Variants in DHX36 observed in about 807,000 individuals in gnomAD.
DHX36 encodes the protein DEAH-box helicase 36, also known as ATP-dependent DNA/RNA helicase DHX36.
Under a neutral mutation model 139.0 loss-of-function variants are expected in DHX36, and 50 were observed. That is an observed-to-expected ratio of 0.36 (90% CI 0.29 to 0.46). The LOEUF is 0.46. DHX36 is among the 20% of genes least tolerant of loss of function. The pLI, the probability that DHX36 is intolerant of heterozygous loss-of-function variation, is 1.00. For synonymous variants in DHX36, 425 were observed against 401.9 expected (o/e 1.06, Z -0.69); for missense variants, 1,024 against 1,211.3 (o/e 0.85, Z 2.29).
chr3:154,279,093 T>A (rs1406845738), intron 22 of DHX36: 4 of 152,404 alleles, frequency 2.6e-5, no homozygotes, highest in Non-Finnish European at 4.4e-5. Context: ...TCTAACAGCC[T>A]CAGCCAACCA....
chr3:154,290,403 A>G (rs2108342116), intron 15 of DHX36, among the ~76,000 whole-genome samples: 1 of 152,098 alleles, frequency 6.6e-6, no homozygotes, highest in South Asian at 2.1e-4. Context: ...TGGGACGCCG[A>G]GGTGGGTGTA....
intron 12 of DHX36, among the ~76,000 whole-genome samples, chr3:154,299,551 C>T (rs1712184493): frequency 6.6e-6 from 1 of 152,062 alleles, no homozygotes; most frequent in African/African-American, 2.4e-5. Context: ...CCATGGGTGA[C>T]TCTGTTGTAT....
At chr3:154,309,345 A>C (rs1712644198) in intron 5 of DHX36, among the ~76,000 whole-genome samples, 1 of 152,198 alleles carries the variant, frequency 6.6e-6, no homozygotes, top group Admixed American at 6.5e-5. Flanking sequence ...TTAAAGAATC[A>C]AATGATGGAG....
intron 4 of DHX36, among the ~76,000 whole-genome samples, chr3:154,310,825 A>ATATATATATG (rs1712727290): frequency 3.5e-5 from 1 of 28,636 alleles, no homozygotes; most frequent in African/African-American, 1.8e-4. Flanking sequence ...ATATATATAT[A>ATATATATATG]TATATATATA....
At chr3:154,312,879 ATATATATATATATATATATAT>A (rs1559958743) in intron 3 of DHX36, among the ~76,000 whole-genome samples, 12 of 115,014 alleles carry the variant, frequency 1.0e-4, no homozygotes, top group East Asian at 6.3e-4. Flanking sequence ...ATATATATAT[ATATATATATATATATATATAT>A]AAAATAAATA....
intron 1 of DHX36, among the ~76,000 whole-genome samples, chr3:154,323,401 T>C (rs1190546319): frequency 6.6e-6 from 1 of 152,130 alleles, no homozygotes; most frequent in Non-Finnish European, 1.5e-5. Context: ...TAAGGTGCTT[T>C]TAAAAAGTCA....
At position 154,284,637 on chromosome 3, in the gene DHX36, C is replaced by T; in HGVS notation, c.2238G>A (p.Lys746=). ...GKEKIADARR[K]ELAKDTRSDH... ...CACTTCTAGTATCCTTTGCCAATTCCTTTCTTCTTGCATCTGCAATCTTTT... is the reference window on the plus strand; with the variant it reads ...CACTTCTAGTATCCTTTGCCAATTCTTTTCTTCTTGCATCTGCAATCTTTT... Residue 746 remains lysine (K), a synonymous_variant, in exon 19 of 25, where the codon AAG becomes AAA. Coordinates refer to ENST00000496811, the MANE Select transcript of DHX36 (RefSeq NM_020865.3). 6.2e-7 allele frequency: 1 copy of T among 1,612,846 alleles called. No individual in the cohort carries two copies. Among genetic ancestry groups the T allele is most frequent in the Non-Finnish European group, 8.5e-7 (1 of 1,179,442 alleles).
rs772704523 is a variant in DHX36 at position 154,316,027 on chromosome 3, T to C, written c.368+12A>G. ...CTTTGCCTATTCTTTAAAAAAATAT[T>C]TCTTGTCGTACCCATGATCCTCAGG... On this transcript the variant is annotated intron_variant, in intron 2 of 24. Coordinates refer to ENST00000496811, the MANE Select transcript of DHX36 (RefSeq NM_020865.3). 6.8e-6 allele frequency: 11 copies of C among 1,607,734 alleles called. No individual in the cohort carries two copies. Among genetic ancestry groups the C allele is most frequent in the Non-Finnish European group, 9.3e-6 (11 of 1,177,852 alleles).
chr3:154,324,266 C>G lies in DHX36; in HGVS notation c.151G>C (p.Gly51Arg). 6.2e-7 allele frequency: 1 copy of G among 1,613,640 alleles called. No individual in the cohort carries two copies. Among genetic ancestry groups the G allele is most frequent in the Non-Finnish European group, 8.5e-7 (1 of 1,179,794 alleles). The change falls in exon 1 of 25, where the codon GGC becomes CGC. Residue 51 changes from glycine (G) to arginine (R), a missense_variant. Physicochemically the swap from Gly to Arg is moderately radical, Grantham distance 125. Coordinates refer to ENST00000496811, the MANE Select transcript of DHX36 (RefSeq NM_020865.3). ...CCTTTCAGGTGCCCGGGATGCCGGC[C>G]CCTGCCGCCTCGACCACCCCCTCCG... ...GGGGGGRGGR[G>R]RHPGHLKGRE...
Position 154,277,845 on chromosome 3 carries a change from A to G in DHX36, c.2568-127T>C, listed in dbSNP as rs1461338597. 3.5e-6 allele frequency: 3 copies of G among 862,052 alleles called. No homozygotes were observed. The Admixed American group carries it at 1.0e-4, about 29-fold the overall frequency. 53.4% of individuals were successfully genotyped at this position (862,052 alleles called of 1,614,324 possible). A position where few individuals can be genotyped will look rare whatever the true frequency, so the allele number is the denominator to read the frequency against. ...CAAACAAATCCCGGAATCTAAAAAA[A>G]TTCCAGAGAATAATTCAGTTTATTT... On this transcript the variant is annotated intron_variant, in intron 22 of 24. Transcript: ENST00000496811.
chr3:154,297,031 A>G (rs1712071743), intron 12 of DHX36, among the ~76,000 whole-genome samples: 1 of 152,264 alleles, frequency 6.6e-6, no homozygotes, highest in African/African-American at 2.4e-5. Flanking sequence ...GATAGCATAA[A>G]GAGTCACACA....
chr3:154,289,753 C>T lies in DHX36; in HGVS notation c.1888G>A (p.Glu630Lys). ...TCTTCCAAAGGAGTTCTCAAAATTT[C>T]TGGCAGTTGATAGTCATCTAGAAGA... ...ASLLDDYQLP[E>K]ILRTPLEELC... Residue 630 changes from glutamate (E) to lysine (K), a missense_variant, in exon 16 of 25, where the codon GAA (glutamate) becomes AAA (lysine). Coordinates refer to ENST00000496811, the MANE Select transcript of DHX36 (RefSeq NM_020865.3). 6.2e-7 allele frequency: 1 copy of T among 1,613,318 alleles called. No homozygotes were observed. Among genetic ancestry groups the T allele is most frequent in the Non-Finnish European group, 8.5e-7 (1 of 1,179,592 alleles).
rs146537390 is a variant in DHX36 at position 154,306,099 on chromosome 3, T to C, written c.893+117A>G. 53 of 725,382 alleles carry C rather than the reference T, an allele frequency of 7.3e-5. No homozygotes were observed. In the African/African-American group the frequency reaches 8.2e-4, roughly 11 times the overall value. 44.9% of individuals were successfully genotyped at this position (725,382 alleles called of 1,614,324 possible). ...TCATCTACGCTGCAGTTACTTTAAA[T>C]GGTAATTGTAATAGTAATAACCATC... is the stretch of plus-strand genomic sequence containing the variant. On this transcript the variant is annotated intron_variant, in intron 6 of 24. Transcript: ENST00000496811.
At chr3:154,311,870 A>C in intron 3 of DHX36, 196 bp from the exon 4 acceptor site, 1 of 452,000 alleles carries the variant, frequency 2.2e-6, no homozygotes, top group South Asian at 4.5e-5. Context: ...CCAGAACTCC[A>C]TTACATCCAG....
chr3:154,293,659 G>A (rs2108345549), intron 14 of DHX36, 89 bp downstream of exon 14: 1 of 937,880 alleles, frequency 1.1e-6, no homozygotes, highest in Non-Finnish European at 1.7e-6. Flanking sequence ...AAGGTATATG[G>A]TAGAGAAAAA....
intron 16 of DHX36, among the ~76,000 whole-genome samples, chr3:154,289,317 T>C (rs1711692150): frequency 6.6e-6 from 1 of 152,176 alleles, no homozygotes; most frequent in Admixed American, 6.5e-5. Context: ...AGACACAAGA[T>C]ACTGAAATAA....
intron 9 of DHX36, 70 bp downstream of exon 9, chr3:154,303,259 T>C: frequency 8.8e-7 from 1 of 1,142,180 alleles, no homozygotes; most frequent in Non-Finnish European, 1.3e-6. Flanking sequence ...TTTCTGAGAC[T>C]AAAGTTTGAC....
In DHX36 at chr3:154,292,630, T is replaced by C; in HGVS notation, c.1735A>G (p.Thr579Ala). Residue 579 changes from threonine to alanine, a missense_variant, in exon 15 of 25, where the codon ACT (threonine) becomes GCT (alanine). Transcript: ENST00000496811. ...GGKIKETHFDTQNNISTMSAE... is the reference protein window; with the variant it reads ...GGKIKETHFDAQNNISTMSAE... ...GACATTGTACTGATATTGTTCTGAG[T>C]ATCAAAATGCGTCTCTTTTATTTTT... 3 of 1,613,972 alleles carry C rather than the reference T, an allele frequency of 1.9e-6. No homozygotes were observed. The highest frequency in any genetic ancestry group is 2.5e-6 in the Non-Finnish European group (3 of 1,180,002).
intron 1 of DHX36, among the ~76,000 whole-genome samples, chr3:154,316,798 A>T (rs1713001501): frequency 6.6e-6 from 1 of 151,790 alleles, no homozygotes; most frequent in Admixed American, 6.6e-5. Context: ...GAAATGTCCA[A>T]GGTGAAAAAA....
Sources: gnomAD v4.1 joint callset for allele counts (sites outside exome capture counted in the v4.1 genomes callset) on GRCh38, gnomAD v4.1.1 for gene constraint, MANE v1.5 for transcripts, NCBI Gene and HGNC (gene_info 2026-07-23, HGNC 2026-07-21) for gene names.